Variants in ANKRD39 observed in about 807,000 individuals in gnomAD.
The protein encoded by ANKRD39 is ankyrin repeat domain 39, also known as ankyrin repeat domain-containing protein 39.
ANKRD39 carries 18 observed loss-of-function variants against 20.3 expected under a neutral mutation model. The ratio of observed to expected loss-of-function variants is 0.89; its 90% CI spans 0.61 to 1.32. The LOEUF (loss-of-function observed/expected upper bound fraction) is 1.32, where lower values mean the gene tolerates loss of function less well. Ranked by LOEUF, ANKRD39 falls within the 40% of genes most tolerant of loss-of-function variation. The pLI, the probability that ANKRD39 is intolerant of heterozygous loss-of-function variation, is 0.00. For missense variants in ANKRD39, 243 were observed against 250.7 expected (o/e 0.97, Z 0.21); for synonymous variants, 106 against 111.9 (o/e 0.95, Z 0.33).
chr2:96,852,514 A>C (rs1295798001), intron 3 of ANKRD39, among the ~76,000 whole-genome samples: 5 of 145,292 alleles, frequency 3.4e-5, no homozygotes, highest in East Asian at 2.0e-4. Context: ...AAAAAAGACA[A>C]AAAAAAAAAA....
intron 3 of ANKRD39, among the ~76,000 whole-genome samples, chr2:96,850,996 G>T (rs918512462): frequency 6.6e-6 from 1 of 152,134 alleles, no homozygotes. Flanking sequence ...AGGCTGCAAT[G>T]TTTTTTTGGG....
chr2:96,853,357 T>C, intron 3 of ANKRD39, 44 bp downstream of exon 3: 1 of 1,540,444 alleles, frequency 6.5e-7, no homozygotes. Context: ...GTTATAACTT[T>C]AAAAATAAGG....
chr2:96,856,722 G>T (rs2079867375), intron 1 of ANKRD39, among the ~76,000 whole-genome samples: 1 of 152,192 alleles, frequency 6.6e-6, no homozygotes, highest in Non-Finnish European at 1.5e-5. Flanking sequence ...GGGCAGAACT[G>T]CCCCCAGTTG....
chr2:96,848,209 T>C lies in ANKRD39; in HGVS notation c.*92A>G. 6.4e-7 allele frequency: 1 copy of C among 1,555,788 alleles called. No homozygotes were observed. The highest frequency in any genetic ancestry group is 8.7e-7 in the Non-Finnish European group (1 of 1,145,286). On this transcript the variant is annotated 3_prime_UTR_variant, in exon 4 of 4. Transcript: ENST00000393537. Reference sequence around the variant, plus strand: ...TCTTCCTGGGTGGTCTGGCCTCAGTTCCCTGCCCAGCAGCATGGATGCTGA... The same window carrying C: ...TCTTCCTGGGTGGTCTGGCCTCAGTCCCCTGCCCAGCAGCATGGATGCTGA...
At chr2:96,853,338 C>T in intron 3 of ANKRD39, 63 bp downstream of exon 3, 1 of 1,506,328 alleles carries the variant, frequency 6.6e-7, no homozygotes. Context: ...ATGTTTTCTA[C>T]ATGAACATGT....
chr2:96,848,416 C>T lies in ANKRD39; in HGVS notation c.437G>A (p.Cys146Tyr). 6.2e-7 allele frequency: 1 copy of T among 1,614,166 alleles called. No individual in the cohort carries two copies. Among genetic ancestry groups the T allele is most frequent in the Non-Finnish European group, 8.5e-7 (1 of 1,180,028 alleles). Residue 146 changes from cysteine to tyrosine, a missense_variant, in exon 4 of 4, where the codon TGC (cysteine) becomes TAC (tyrosine). Physicochemically the swap from Cys to Tyr is radical, Grantham distance 194. Transcript: ENST00000393537. ...TGGGCTGTGTTGCAGGAGGAGGGAG[C>T]AGATGTCCCCGTGACCCCTCTCAGC... ...KAAERGHGDI[C>Y]SLLLQHSPAL...
intron 1 of ANKRD39, among the ~76,000 whole-genome samples, chr2:96,856,747 T>G (rs1457720344): frequency 6.6e-6 from 1 of 152,048 alleles, no homozygotes; most frequent in African/African-American, 2.4e-5. Flanking sequence ...CTGGGGTGTT[T>G]AGGGAGGGTC....
chr2:96,852,965 G>A (rs2079845609), intron 3 of ANKRD39, among the ~76,000 whole-genome samples: 1 of 152,168 alleles, frequency 6.6e-6, no homozygotes, highest in Admixed American at 6.6e-5. Flanking sequence ...GAAGGCTGAG[G>A]GATGAGGAGC....
chr2:96,857,898 G>T lies in ANKRD39; in HGVS notation c.90C>A (p.Asp30Glu). Residue 30 changes from aspartate to glutamate, a missense_variant, in exon 1 of 4, where the codon GAC becomes GAA. Asp to Glu is a conservative substitution (Grantham distance 45). Transcript: ENST00000393537. ...LGVQQTLEEM[D>E]FERGIWSAAL... ...GCGCGGCAGCCTCACCCCTCTCGAA[G>T]TCCATCTCCTCCAGCGTCTGCTGTA... 6.3e-7 allele frequency: 1 copy of T among 1,582,076 alleles called. No individual in the cohort carries two copies.
chr2:96,857,975 G>C lies in ANKRD39; in HGVS notation c.13C>G (p.Arg5Gly). The change falls in exon 1 of 4, where the codon CGG becomes GGG. Residue 5 changes from arginine (R) to glycine (G), a missense_variant. Coordinates refer to ENST00000393537, the MANE Select transcript of ANKRD39 (RefSeq NM_016466.6). Reference protein sequence around the residue: MATPRPCADGPCCSH... With the variant: MATPGPCADGPCCSH... ...CAGCAGGGCCCGTCCGCGCAGGGCC[G>C]AGGCGTCGCCATCCCGGCCCCGGCG... 6.5e-7 allele frequency: 1 copy of C among 1,541,756 alleles called. No homozygotes were observed. Among genetic ancestry groups the C allele is most frequent in the Non-Finnish European group, 8.7e-7 (1 of 1,151,644 alleles).
chr2:96,856,446 A>G (rs1004268462), intron 1 of ANKRD39, among the ~76,000 whole-genome samples: 12 of 149,994 alleles, frequency 8.0e-5, no homozygotes, highest in African/African-American at 2.7e-4. Context: ...GCCAGCCTGG[A>G]CAAAAGAGGG....
rs1206966486 is a variant in ANKRD39, at chr2:96,848,158, C to T, written c.*143G>A. On this transcript the variant is annotated 3_prime_UTR_variant, in exon 4 of 4. Coordinates refer to ENST00000393537, the MANE Select transcript of ANKRD39 (RefSeq NM_016466.6). ...TTTAGCCACACCAAATCTACTCCCT[C>T]GCTTCCACAGTGACCAGACTGGGGC... is the stretch of plus-strand genomic sequence containing the variant. 1.2e-5 allele frequency: 13 copies of T among 1,130,102 alleles called. No individual in the cohort carries two copies. Among genetic ancestry groups the T allele is most frequent in the East Asian group, 5.0e-5 (2 of 40,112 alleles). 70.0% of individuals were successfully genotyped at this position (1,130,102 alleles called of 1,614,324 possible). A position where few individuals can be genotyped will look rare whatever the true frequency, so the allele number is the denominator to read the frequency against.
intron 3 of ANKRD39, among the ~76,000 whole-genome samples, chr2:96,851,745 G>T (rs548003886): frequency 5.9e-5 from 9 of 152,240 alleles, no homozygotes; most frequent in African/African-American, 2.2e-4. Flanking sequence ...CATGTCTAGG[G>T]ATCAGGAAAG....
chr2:96,857,703 T>G (rs2079872192), intron 1 of ANKRD39, among the ~76,000 whole-genome samples, 185 bp downstream of exon 1: 3 of 152,194 alleles, frequency 2.0e-5, no homozygotes, highest in African/African-American at 7.2e-5. Context: ...CTGGCCGAGC[T>G]CGTGCGGGGC....
intron 3 of ANKRD39, among the ~76,000 whole-genome samples, chr2:96,849,870 C>CA (rs988775556): frequency 1.3e-5 from 2 of 152,082 alleles, no homozygotes; most frequent in African/African-American, 4.8e-5. Flanking sequence ...TAGGAGACCC[C>CA]AATCCAGATG....
In ANKRD39 at chr2:96,848,056, CTT is replaced by C. The variant is rs946912682; in HGVS notation, c.*243_*244del. 2.3e-6 allele frequency: 1 copy of C among 428,558 alleles called. No homozygotes were observed. Among genetic ancestry groups the C allele is most frequent in the Admixed American group, 3.6e-5 (1 of 27,702 alleles). 26.5% of individuals were successfully genotyped at this position (428,558 alleles called of 1,614,324 possible). On this transcript the variant is annotated 3_prime_UTR_variant, in exon 4 of 4. Transcript: ENST00000393537. ...GGTGTGGGATGAGGTAAGGATATAA[CTT>C]TATTTTTTTCCAAATAAATAGATGT...
intron 1 of ANKRD39, 145 bp downstream of exon 1, chr2:96,857,743 T>C: frequency 1.2e-6 from 1 of 846,096 alleles, no homozygotes; most frequent in Non-Finnish European, 1.8e-6. Flanking sequence ...ACGGGAACCG[T>C]GGGTCCCGCC....
chr2:96,851,500 A>G (rs10203346), intron 3 of ANKRD39, among the ~76,000 whole-genome samples: 17,715 of 152,138 alleles, frequency 0.12, 1,377 homozygotes, highest in African/African-American at 0.22. Flanking sequence ...CATGTTGCCC[A>G]GCCTGGTCTC....
At chr2:96,854,200 T>G (rs1368354877) in intron 2 of ANKRD39, 138 bp downstream of exon 2, 4 of 878,638 alleles carry the variant, frequency 4.6e-6, no homozygotes, top group Non-Finnish European at 7.0e-6. Flanking sequence ...CATATGATGC[T>G]TAAAAAGAGA....
Sources: gnomAD v4.1 joint callset for allele counts (sites outside exome capture counted in the v4.1 genomes callset) on GRCh38, gnomAD v4.1.1 for gene constraint, MANE v1.5 for transcripts, NCBI Gene and HGNC (gene_info 2026-07-23, HGNC 2026-07-21) for gene names.